ZC3H7A: variants seen among roughly 807,000 people sequenced by gnomAD.
ZC3H7A encodes the protein zinc finger CCCH domain-containing protein 7A.
A neutral mutation model predicts 125.5 loss-of-function variants in ZC3H7A; 44 were observed. That is an observed-to-expected ratio of 0.35 (90% confidence interval 0.28 to 0.45). The LOEUF (loss-of-function observed/expected upper bound fraction) is 0.45. Ranked by LOEUF, ZC3H7A falls within the 20% of genes least tolerant of loss-of-function variation. ZC3H7A has a pLI of 1.00. For synonymous variants in ZC3H7A, 399 were observed against 391.2 expected, an observed-to-expected ratio of 1.02 and a Z score of -0.23; for missense variants, 977 against 1,170.7, an observed-to-expected ratio of 0.83 and a Z score of 2.41.
At chr16:11,758,046 G>A (rs537205134) in intron 20 of ZC3H7A, among the ~76,000 whole-genome samples, 1 of 152,284 alleles carries the variant, frequency 6.6e-6, no homozygotes, top group Non-Finnish European at 1.5e-5. Context: ...CCTCCCTGAA[G>A]AAACTGCCAA....
rs1167322959 is a variant in ZC3H7A at position 11,776,745 on chromosome 16, C to G, written c.465+6G>C. On this transcript the variant is annotated splice_donor_region_variant and intron_variant, in intron 5 of 22. Coordinates refer to ENST00000355758, the MANE Select transcript of ZC3H7A (RefSeq NM_014153.4). ...GATGTAAACAAATAAACTATAAATT[C>G]CATACCTGAGGCACTGCTAAGGAGC... 6.3e-7 allele frequency: 1 copy of G among 1,590,094 alleles called. No individual in the cohort carries two copies. The highest frequency in any genetic ancestry group is 1.4e-5 in the African/African-American group (1 of 73,320).
chr16:11,754,836 G>A (rs2052612784), intron 21 of ZC3H7A, among the ~76,000 whole-genome samples: 1 of 143,906 alleles, frequency 6.9e-6, no homozygotes, highest in South Asian at 2.2e-4. Context: ...AGGTTGCAGT[G>A]AGCCAAGATC....
chr16:11,775,008 C>A lies in ZC3H7A; in HGVS notation c.591G>T (p.Leu197Phe). The A allele has an allele frequency of 6.2e-7, 1 of 1,614,090 alleles. No homozygotes were observed. Among genetic ancestry groups the A allele is most frequent in the South Asian group, 1.1e-5 (1 of 91,074 alleles). Residue 197 changes from leucine (L) to phenylalanine (F), a missense_variant, in exon 8 of 23, where the codon TTG becomes TTT. This residue lies in a region of ZC3H7A where 199 missense variants were observed against 256.1 expected (regional missense o/e 0.78). Coordinates refer to ENST00000355758, the MANE Select transcript of ZC3H7A (RefSeq NM_014153.4). ...GCTCAATATCTTCCACAGAATGGTTCAAAGCCTAGAAATTAAACCAAACAA... is the reference window on the plus strand; with the variant it reads ...GCTCAATATCTTCCACAGAATGGTTAAAAGCCTAGAAATTAAACCAAACAA... ...SVPGDGATKALNHSVEDIEPD... is the reference protein window; with the variant it reads ...SVPGDGATKAFNHSVEDIEPD...
intron 19 of ZC3H7A, 40 bp from the exon 20 acceptor site, chr16:11,758,579 C>A: frequency 6.9e-7 from 1 of 1,444,842 alleles, no homozygotes; most frequent in Admixed American, 1.8e-5. Flanking sequence ...ACAAAGTACA[C>A]CTAGTAAAAC....
intron 1 of ZC3H7A, among the ~76,000 whole-genome samples, chr16:11,794,588 G>C (rs1283278440): frequency 6.6e-6 from 1 of 152,154 alleles, no homozygotes; most frequent in East Asian, 1.9e-4. Flanking sequence ...TTATCCAGAA[G>C]ACAAAAGTTT....
At position 11,765,379 on chromosome 16, in the gene ZC3H7A, A is replaced by C. The variant is rs1781231978; in HGVS notation, c.1719+110T>G. 1 of 726,852 alleles carries C rather than the reference A, an allele frequency of 1.4e-6. No homozygotes were observed. Among genetic ancestry groups the C allele is most frequent in the Non-Finnish European group, 2.1e-6 (1 of 476,866 alleles). The allele number at this position is 726,852 out of a possible 1,614,324, so 45.0% of individuals were successfully genotyped here. On this transcript the variant is annotated intron_variant, in intron 14 of 22. Transcript: ENST00000355758. The surrounding 1 kb of genome is among the most constrained non-coding windows in gnomAD (Gnocchi z 4.8). ...ATATGATATTATTTATCATATAAAT[A>C]AATGAATATTTATTCATTTACCAAG...
intron 18 of ZC3H7A, 120 bp from the exon 19 acceptor site, chr16:11,761,631 A>C: frequency 9.9e-7 from 1 of 1,013,094 alleles, no homozygotes; most frequent in Non-Finnish European, 1.5e-6. Flanking sequence ...TGCTTCTAAA[A>C]GAAATACCTT....
Position 11,767,504 on chromosome 16 carries a change from T to TAA in ZC3H7A, c.1434_1435insTT (p.Ile479LeufsTer2). On this transcript the variant is annotated frameshift_variant, in exon 13 of 23. Transcript: ENST00000355758. LOFTEE classifies it high-confidence loss of function. ...CATGATTTATCTTCAACATTCTTTA[T>TAA]CCTACCGATTAAAATATCTTTCTTA... 6.2e-7 allele frequency: 1 copy of TAA among 1,612,626 alleles called. No individual in the cohort carries two copies. The highest frequency in any genetic ancestry group is 2.2e-5 in the East Asian group (1 of 44,764).
intron 1 of ZC3H7A, among the ~76,000 whole-genome samples, chr16:11,787,684 G>A (rs56718153): frequency 0.073 from 11,043 of 152,126 alleles, 475 homozygotes; most frequent in Middle Eastern, 0.11. Context: ...AGTGGCTCAC[G>A]TCTGTAATCC....
At chr16:11,787,903 G>A (rs1020647926) in intron 1 of ZC3H7A, among the ~76,000 whole-genome samples, 1 of 151,410 alleles carries the variant, frequency 6.6e-6, no homozygotes, top group Non-Finnish European at 1.5e-5. Context: ...CCAAGATCGC[G>A]TCATTGCACT....
At chr16:11,768,604 TA>T in intron 11 of ZC3H7A, 103 bp from the exon 12 acceptor site, 2 of 1,052,122 alleles carry the variant, frequency 1.9e-6, no homozygotes, top group Non-Finnish European at 2.6e-6. Context: ...ATAATCTTCA[TA>T]AACTGAGGTC....
chr16:11,761,791 A>C (rs576627903), intron 18 of ZC3H7A, 119 bp downstream of exon 18: 1 of 1,380,726 alleles, frequency 7.2e-7, no homozygotes, highest in African/African-American at 1.5e-5. Context: ...TAATTATCCT[A>C]AATTATCTAT....
At chr16:11,795,230 G>C (rs1171754248) in intron 1 of ZC3H7A, among the ~76,000 whole-genome samples, 2 of 152,220 alleles carry the variant, frequency 1.3e-5, no homozygotes, top group Non-Finnish European at 2.9e-5. Context: ...GTTTGGCTCA[G>C]TATGAGAAGG....
chr16:11,782,596 A>AT, intron 1 of ZC3H7A: 1 of 307,172 alleles, frequency 3.3e-6, no homozygotes. Flanking sequence ...CACCGTTTTC[A>AT]TATTCTTTTT....
intron 1 of ZC3H7A, among the ~76,000 whole-genome samples, chr16:11,791,204 C>T (rs1411602820): frequency 4.0e-5 from 6 of 151,888 alleles, no homozygotes; most frequent in South Asian, 2.1e-4. Context: ...TGCCTCCGTA[C>T]GGTGACCTAG....
At chr16:11,783,250 A>C (rs974857125) in intron 1 of ZC3H7A, among the ~76,000 whole-genome samples, 1 of 152,192 alleles carries the variant, frequency 6.6e-6, no homozygotes, top group Non-Finnish European at 1.5e-5. Context: ...TAATGATATA[A>C]AGTTACTTCC....
In ZC3H7A at chr16:11,751,297, C is replaced by A; in HGVS notation, c.*20G>T. 1.3e-6 allele frequency: 2 copies of A among 1,599,540 alleles called. No homozygotes were observed. Among genetic ancestry groups the A allele is most frequent in the South Asian group, 1.1e-5 (1 of 88,902 alleles). ...TCTGGTCAATGCTCTGATTAGGTAT[C>A]ATACATAAAAGCCAGCATATTAGTT... On this transcript the variant is annotated 3_prime_UTR_variant, in exon 23 of 23. Coordinates refer to ENST00000355758, the MANE Select transcript of ZC3H7A (RefSeq NM_014153.4).
Position 11,759,758 on chromosome 16 carries a change from T to C in ZC3H7A, c.2320-1219A>G, listed in dbSNP as rs150857212. 9 of 152,350 alleles carry C rather than the reference T, an allele frequency of 5.9e-5. No homozygotes were observed. In the East Asian group the frequency reaches 1.5e-3, roughly 26 times the overall value. 9.4% of individuals were successfully genotyped at this position (152,350 alleles called of 1,614,324 possible). A position where few individuals can be genotyped will look rare whatever the true frequency, so the allele number is the denominator to read the frequency against. ...CTGGCAGACTTTGAAGCCCATTGTC[T>C]TTAAGCCTCACCACACTCTCTACAC... is the stretch of plus-strand genomic sequence containing the variant. On this transcript the variant is annotated intron_variant, in intron 19 of 22. Coordinates refer to ENST00000355758, the MANE Select transcript of ZC3H7A (RefSeq NM_014153.4).
At chr16:11,785,754 G>A (rs1053091912) in intron 1 of ZC3H7A, among the ~76,000 whole-genome samples, 5 of 152,104 alleles carry the variant, frequency 3.3e-5, no homozygotes, top group African/African-American at 2.4e-5. Context: ...CGAGTAGCTG[G>A]GACTACAGGC....
Sources: gnomAD v4.1 joint callset for allele counts (sites outside exome capture counted in the v4.1 genomes callset) on GRCh38, gnomAD v4.1.1 for gene constraint, gnomAD v4.1.1 regional missense constraint, Gnocchi (gnomAD v3.1) non-coding constraint, MANE v1.5 for transcripts, NCBI Gene and HGNC (gene_info 2026-07-23, HGNC 2026-07-21) for gene names.